Variants in ZNF821 observed in about 807,000 individuals in gnomAD.
ZNF821 encodes zinc finger protein 821.
ZNF821 carries 16 observed loss-of-function variants against 44.3 expected under a neutral mutation model. The observed-to-expected ratio is 0.36, with a 90% CI of 0.24 to 0.55. The LOEUF (loss-of-function observed/expected upper bound fraction) is 0.55, where lower values mean the gene tolerates loss of function less well. Among genes scored for constraint, ZNF821 ranks in the 20% least tolerant of loss-of-function variants. The pLI is 0.86. For synonymous variants in ZNF821, 204 were observed against 197.6 expected (o/e 1.03, Z -0.27); for missense variants, 436 against 547.6 (o/e 0.80, Z 2.03).
At position 71,864,129 on chromosome 16, in the gene ZNF821, C is replaced by G. The variant is rs767514298; in HGVS notation, c.417+9G>C. On this transcript the variant is annotated intron_variant, in intron 6 of 7. Coordinates refer to ENST00000425432, the MANE Select transcript of ZNF821 (RefSeq NM_001201552.2). Reference sequence around the variant, plus strand: ...TGTGTTCCAGAGCACACAGCTCCCCCATCCATACCTGGTACACGTGAGCAA... The same window carrying G: ...TGTGTTCCAGAGCACACAGCTCCCCGATCCATACCTGGTACACGTGAGCAA... 6.2e-7 allele frequency: 1 copy of G among 1,612,060 alleles called. No individual in the cohort carries two copies. Among genetic ancestry groups the G allele is most frequent in the Non-Finnish European group, 8.5e-7 (1 of 1,178,466 alleles).
chr16:71,859,970 G>C lies in ZNF821; in HGVS notation c.*48C>G. 6.7e-7 allele frequency: 1 copy of C among 1,486,516 alleles called. No individual in the cohort carries two copies. Among genetic ancestry groups the C allele is most frequent in the Non-Finnish European group, 8.9e-7 (1 of 1,117,642 alleles). 92.1% of individuals were successfully genotyped at this position (1,486,516 alleles called of 1,614,324 possible). ...ACTGGTCCTCGTGGCTGTGGGTGTG[G>C]GTGGGTGGGTAGGTAGGTGGGAAGG... On this transcript the variant is annotated 3_prime_UTR_variant, in exon 8 of 8. Transcript: ENST00000425432.
upstream of ZNF821, among the ~76,000 whole-genome samples, chr16:71,889,672 TCAAAAAACAAAA>T (rs887144982): frequency 1.6e-4 from 24 of 151,442 alleles, no homozygotes; most frequent in African/African-American, 4.8e-4. Context: ...AGACTCTGTC[TCAAAAAACAAAA>T]CAAAAAACAA....
At chr16:71,889,507 T>C (rs1313626752), upstream of ZNF821, among the ~76,000 whole-genome samples, 1 of 152,070 alleles carries the variant, frequency 6.6e-6, no homozygotes, top group Non-Finnish European at 1.5e-5. Context: ...ACTCTTTCTC[T>C]AATAAAAATA....
chr16:71,861,699 T>C, intron 7 of ZNF821, 77 bp downstream of exon 7: 1 of 1,578,962 alleles, frequency 6.3e-7, no homozygotes, highest in Non-Finnish European at 8.7e-7. Flanking sequence ...ATTTCTAGCC[T>C]TCGCTTTGAC....
At chr16:71,880,107 C>A in intron 2 of ZNF821, 84 bp from the exon 3 acceptor site, 1 of 605,246 alleles carries the variant, frequency 1.7e-6, no homozygotes. Flanking sequence ...CCTTAAAAAA[C>A]AGCTCCTGAG....
intron 3 of ZNF821, among the ~76,000 whole-genome samples, chr16:71,877,993 T>G (rs2036015110): frequency 6.8e-6 from 1 of 147,834 alleles, no homozygotes; most frequent in Non-Finnish European, 1.5e-5. Flanking sequence ...TTTATATATA[T>G]ATACACACAT....
At chr16:71,879,220 G>A (rs1567438100) in intron 3 of ZNF821, among the ~76,000 whole-genome samples, 1 of 152,186 alleles carries the variant, frequency 6.6e-6, no homozygotes, top group Admixed American at 6.6e-5. Flanking sequence ...TTGAACAAAT[G>A]AGACCTCTGC....
At chr16:71,861,487 T>C (rs1444064524) in intron 7 of ZNF821, among the ~76,000 whole-genome samples, 3 of 152,240 alleles carry the variant, frequency 2.0e-5, no homozygotes, top group African/African-American at 7.2e-5. Flanking sequence ...GCCAGGGTCC[T>C]CTCTACCCTA....
chr16:71,866,335 T>C (rs1463556467), intron 4 of ZNF821, among the ~76,000 whole-genome samples: 1 of 152,216 alleles, frequency 6.6e-6, no homozygotes, highest in African/African-American at 2.4e-5. Flanking sequence ...CCAAATCATC[T>C]GCTAGTAGTT....
chr16:71,877,562 T>C (rs1437212952), intron 3 of ZNF821, among the ~76,000 whole-genome samples: 1 of 152,086 alleles, frequency 6.6e-6, no homozygotes, highest in East Asian at 1.9e-4. Context: ...GCCCAGCCTA[T>C]ATAGCATGTT....
chr16:71,864,161 G>A lies in ZNF821; in HGVS notation c.394C>T (p.Gln132Ter), dbSNP rs1372297994. ...ACCTGGTACACGTGAGCAATCAACT[G>A]CTCCCGGCTCCCGCAGTCTAGCTGG... ...LCQLDCGSRE[Q>*]LIAHVYQHTA... Residue 132 changes from glutamine (Q) to a stop codon, truncating the protein, a stop_gained, in exon 6 of 8, where the codon CAG (glutamine) becomes TAG (stop). Transcript: ENST00000425432. LOFTEE classifies it high-confidence loss of function. 1.2e-6 allele frequency: 2 copies of A among 1,614,178 alleles called. No homozygotes were observed. Among genetic ancestry groups the A allele is most frequent in the Admixed American group, 3.3e-5 (2 of 60,032 alleles).
At chr16:71,878,072 C>T (rs2036026736) in intron 3 of ZNF821, among the ~76,000 whole-genome samples, 1 of 148,010 alleles carries the variant, frequency 6.8e-6, no homozygotes, top group African/African-American at 2.5e-5. Context: ...AATGTTGCTG[C>T]ACTTTACTCA....
chr16:71,892,192 A>AAAAAAAAG, intron 1 of ZNF821, among the ~76,000 whole-genome samples: 1 of 134,464 alleles, frequency 7.4e-6, no homozygotes, highest in Non-Finnish European at 1.5e-5. Flanking sequence ...AAAAAAAAAA[A>AAAAAAAAG]AAAAAAAAAA....
chr16:71,868,072 G>A, intron 3 of ZNF821, 35 bp from the exon 4 acceptor site: 1 of 1,526,062 alleles, frequency 6.6e-7, no homozygotes, highest in Non-Finnish European at 8.8e-7. Flanking sequence ...CAGGCCACCA[G>A]CTGGGCAGCA....
At chr16:71,869,892 C>G (rs749397695) in intron 3 of ZNF821, among the ~76,000 whole-genome samples, 14 of 152,186 alleles carry the variant, frequency 9.2e-5, no homozygotes, top group Non-Finnish European at 1.6e-4. Flanking sequence ...CTACCTCGAC[C>G]TCCTAAAGTG....
intron 1 of ZNF821, chr16:71,883,521 C>A: frequency 4.4e-6 from 1 of 229,164 alleles, no homozygotes; most frequent in Non-Finnish European, 8.9e-6. Context: ...AGCTTTTCTG[C>A]GAGACCCAGA....
chr16:71,892,178 C>CAAAAA (rs560376648), intron 1 of ZNF821, among the ~76,000 whole-genome samples: 539 of 31,886 alleles, frequency 0.017, 69 homozygotes, highest in South Asian at 0.04. Flanking sequence ...AACTCCGTCT[C>CAAAAA]AAAAAAAAAA....
At chr16:71,861,153 C>T (rs547059948) in intron 7 of ZNF821, among the ~76,000 whole-genome samples, 1 of 152,262 alleles carries the variant, frequency 6.6e-6, no homozygotes, top group South Asian at 2.1e-4. Context: ...TGTGCCCGGC[C>T]GGGTGTCTAC....
intron 3 of ZNF821, among the ~76,000 whole-genome samples, chr16:71,877,416 A>G (rs1440510836): frequency 2.0e-5 from 3 of 151,998 alleles, no homozygotes; most frequent in Admixed American, 6.6e-5. Context: ...GTATGCCCCC[A>G]GGCCTAGTTT....
Sources: gnomAD v4.1 joint callset for allele counts (sites outside exome capture counted in the v4.1 genomes callset) on GRCh38, gnomAD v4.1.1 for gene constraint, MANE v1.5 for transcripts, NCBI Gene and HGNC (gene_info 2026-07-23, HGNC 2026-07-21) for gene names.